Variants in PTK2 observed in about 807,000 individuals in gnomAD.
PTK2 encodes protein tyrosine kinase 2, also known as focal adhesion kinase 1.
In PTK2, 45 loss-of-function variants were observed where a neutral mutation model predicts 150.1. The ratio of observed to expected loss-of-function variants is 0.30; its 90% CI spans 0.24 to 0.38. The LOEUF (loss-of-function observed/expected upper bound fraction) is 0.38, where lower values mean the gene tolerates loss of function less well. PTK2 is among the 10% of genes least tolerant of loss of function. PTK2 has a pLI of 1.00. For missense variants in PTK2, 919 were observed against 1,307.3 expected (o/e 0.70, Z 4.58); for synonymous variants, 432 against 449.2 (o/e 0.96, Z 0.48).
chr8:140,713,017 T>C (rs780357440), intron 23 of PTK2, among the ~76,000 whole-genome samples: 2 of 152,232 alleles, frequency 1.3e-5, no homozygotes, highest in South Asian at 4.1e-4. Context: ...CTCAACTGTA[T>C]AGTGCTTTCC....
chr8:140,854,347 T>C (rs1598795470), intron 5 of PTK2, among the ~76,000 whole-genome samples: 1 of 152,340 alleles, frequency 6.6e-6, no homozygotes, highest in East Asian at 1.9e-4. Context: ...CAGATTAATA[T>C]GACTTCTTGA....
intron 3 of PTK2, among the ~76,000 whole-genome samples, chr8:140,886,334 G>A (rs2100152283): frequency 6.6e-6 from 1 of 152,180 alleles, no homozygotes; most frequent in African/African-American, 2.4e-5. Flanking sequence ...GCAGGTTGAA[G>A]AAAGTGGACG....
At chr8:140,763,012 A>C (rs1239171780) in intron 15 of PTK2, among the ~76,000 whole-genome samples, 3 of 152,136 alleles carry the variant, frequency 2.0e-5, no homozygotes, top group Admixed American at 1.3e-4. Context: ...GTACTCTTAG[A>C]CTCAAACAAT....
At chr8:140,851,858 CA>C (rs34116543) in intron 5 of PTK2, among the ~76,000 whole-genome samples, 56,929 of 137,420 alleles carry the variant, frequency 0.41, 11,562 homozygotes, top group Non-Finnish European at 0.47. Flanking sequence ...GACTTTATCT[CA>C]AAAAAAAAAA....
chr8:140,884,011 G>A (rs532467307), intron 3 of PTK2, among the ~76,000 whole-genome samples: 6 of 151,972 alleles, frequency 3.9e-5, no homozygotes, highest in South Asian at 4.2e-4. Context: ...TTCCCTCAAC[G>A]TTGCATCTGA....
In PTK2 at chr8:140,686,708, A is replaced by G. The variant is rs1337393088; in HGVS notation, c.2500-14T>C. The G allele has an allele frequency of 6.2e-7, 1 of 1,606,770 alleles. No homozygotes were observed. Among genetic ancestry groups the G allele is most frequent in the Non-Finnish European group, 8.5e-7 (1 of 1,174,260 alleles). On this transcript the variant is annotated splice_polypyrimidine_tract_variant and intron_variant, in intron 26 of 31. Coordinates refer to ENST00000522684, the Ensembl canonical transcript of PTK2. ...CACATCAGGTTTCTGAAGAAATTAA[A>G]ACAAAATCAAAACAATTTCATTTTT...
At chr8:140,962,034 G>C (rs1006722189) in intron 1 of PTK2, among the ~76,000 whole-genome samples, 1 of 151,998 alleles carries the variant, frequency 6.6e-6, no homozygotes, top group Non-Finnish European at 1.5e-5. Flanking sequence ...CATGAGGCCA[G>C]GAGTTCAAGA....
intron 1 of PTK2, among the ~76,000 whole-genome samples, chr8:140,968,856 C>T (rs1486418158): frequency 6.6e-6 from 1 of 152,118 alleles, no homozygotes; most frequent in East Asian, 1.9e-4. Flanking sequence ...ATCTATAAGC[C>T]AAATTCAAGA....
intron 2 of PTK2, among the ~76,000 whole-genome samples, chr8:140,902,943 T>TTG (rs1568518539): frequency 8.1e-5 from 10 of 122,750 alleles, no homozygotes; most frequent in East Asian, 2.4e-4. Context: ...TTTTTTTTTT[T>TTG]TTTTTTTTTT....
At chr8:140,912,483 T>C (rs2100163591) in intron 2 of PTK2, among the ~76,000 whole-genome samples, 1 of 151,484 alleles carries the variant, frequency 6.6e-6, no homozygotes, top group African/African-American at 2.4e-5. Flanking sequence ...AAAATAAAGA[T>C]AAATACAAAT....
intron 10 of PTK2, among the ~76,000 whole-genome samples, chr8:140,810,731 G>T (rs551330088): frequency 2.9e-4 from 44 of 152,320 alleles, no homozygotes; most frequent in African/African-American, 1.0e-3. Context: ...AGCCTTGGCA[G>T]GCACAGAGCC....
chr8:140,868,989 A>G (rs1364473341), intron 4 of PTK2, among the ~76,000 whole-genome samples: 7 of 152,160 alleles, frequency 4.6e-5, no homozygotes, highest in Admixed American at 4.6e-4. Flanking sequence ...ATATTTAGGG[A>G]AACTGGCTGA....
intron 2 of PTK2, among the ~76,000 whole-genome samples, chr8:140,900,498 T>C (rs1444037386): frequency 6.6e-6 from 1 of 151,924 alleles, no homozygotes; most frequent in African/African-American, 2.4e-5. Context: ...AAGGCAGGCG[T>C]ATCACTAGAG....
chr8:140,901,553 AAAG>A (rs2154607699), intron 2 of PTK2, among the ~76,000 whole-genome samples: 1 of 152,306 alleles, frequency 6.6e-6, no homozygotes, highest in South Asian at 2.1e-4. Flanking sequence ...CAGAATCTAT[AAAG>A]AGCTTAGAAA....
At chr8:140,815,642 AAAGTT>A (rs2100104268) in intron 10 of PTK2, among the ~76,000 whole-genome samples, 1 of 152,208 alleles carries the variant, frequency 6.6e-6, no homozygotes, top group Non-Finnish European at 1.5e-5. Context: ...CATGTCTAAT[AAAGTT>A]AACATAAAAA....
chr8:140,742,880 T>C (rs1012715399), intron 20 of PTK2, among the ~76,000 whole-genome samples: 2 of 152,250 alleles, frequency 1.3e-5, no homozygotes, highest in African/African-American at 4.8e-5. Flanking sequence ...TTATCAACTT[T>C]TTCCTTTTAT....
intron 11 of PTK2, among the ~76,000 whole-genome samples, chr8:140,802,082 T>TA (rs2154593755): frequency 1.4e-5 from 2 of 142,966 alleles, no homozygotes; most frequent in East Asian, 2.6e-4. Context: ...TTCTACTTAT[T>TA]TAAAAAAAAA....
intron 3 of PTK2, among the ~76,000 whole-genome samples, chr8:140,881,277 C>T (rs2100148900): frequency 6.6e-6 from 1 of 152,212 alleles, no homozygotes; most frequent in African/African-American, 2.4e-5. Flanking sequence ...AAACCTTGTG[C>T]TCTGGGGTGG....
At chr8:140,704,703 T>C (rs79081916) in intron 24 of PTK2, among the ~76,000 whole-genome samples, 42,187 of 151,914 alleles carry the variant, frequency 0.28, 6,399 homozygotes, top group Admixed American at 0.39. Flanking sequence ...TCAGCAATCA[T>C]AGAGGTGGGG....
Sources: gnomAD v4.1 joint callset for allele counts (sites outside exome capture counted in the v4.1 genomes callset) on GRCh38, gnomAD v4.1.1 for gene constraint, MANE v1.5 for transcripts, NCBI Gene and HGNC (gene_info 2026-07-23, HGNC 2026-07-21) for gene names.